Variants in EIF4EBP2 observed in about 807,000 individuals in gnomAD.
The protein encoded by EIF4EBP2 is eukaryotic translation initiation factor 4E binding protein 2.
A neutral mutation model predicts 10.3 loss-of-function variants in EIF4EBP2; 5 were observed. The observed-to-expected ratio is 0.48, with a 90% CI of 0.25 to 1.02. The LOEUF is 1.02. EIF4EBP2 is among the 50% of genes least tolerant of loss of function. The pLI is 0.15. For missense variants in EIF4EBP2, 188 were observed against 162.2 expected (o/e 1.16, Z -0.86); for synonymous variants, 67 against 61.1 (o/e 1.10, Z -0.45).
intron 1 of EIF4EBP2, among the ~76,000 whole-genome samples, chr10:70,416,870 TTG>T (rs1845101834): frequency 1.3e-5 from 2 of 152,034 alleles, no homozygotes; most frequent in Non-Finnish European, 2.9e-5. Flanking sequence ...TTTTGCCATG[TTG>T]CCCAGGCTGG....
chr10:70,416,187 G>C (rs1201321518), intron 1 of EIF4EBP2, among the ~76,000 whole-genome samples: 2 of 152,176 alleles, frequency 1.3e-5, no homozygotes, highest in African/African-American at 4.8e-5. Flanking sequence ...ACCACAGTGA[G>C]AAACCACTTC....
chr10:70,407,833 T>G (rs1191448028), intron 1 of EIF4EBP2, among the ~76,000 whole-genome samples: 3 of 123,686 alleles, frequency 2.4e-5, no homozygotes, highest in African/African-American at 9.2e-5. Flanking sequence ...ACCTCCCAGA[T>G]GGGGCGGCTG....
intron 1 of EIF4EBP2, among the ~76,000 whole-genome samples, chr10:70,416,603 A>G (rs1010252358): frequency 1.3e-5 from 2 of 150,366 alleles, no homozygotes; most frequent in Non-Finnish European, 3.0e-5. Flanking sequence ...AAACCAGGCA[A>G]TTTTTCAAAG....
At chr10:70,411,952 CATT>C (rs1170280858) in intron 1 of EIF4EBP2, among the ~76,000 whole-genome samples, 3 of 152,142 alleles carry the variant, frequency 2.0e-5, no homozygotes, top group Non-Finnish European at 2.9e-5. Flanking sequence ...ATGTGGCTGA[CATT>C]GTTGGTTTCC....
chr10:70,422,835 C>G lies in EIF4EBP2; in HGVS notation c.*1088C>G, dbSNP rs1258933767. ...GTTTGAAGTTGATTTTCAGAATGTTCTTAGAAAAGAACTGCATTTTTTTCC... is the reference window on the plus strand; with the variant it reads ...GTTTGAAGTTGATTTTCAGAATGTTGTTAGAAAAGAACTGCATTTTTTTCC... On this transcript the variant is annotated 3_prime_UTR_variant, in exon 3 of 3. Coordinates refer to ENST00000373218, the MANE Select transcript of EIF4EBP2 (RefSeq NM_004096.5). The G allele has an allele frequency of 1.3e-5, 2 of 152,170 alleles. No homozygotes were observed. 9.4% of individuals were successfully genotyped at this position (152,170 alleles called of 1,614,324 possible). A position where few individuals can be genotyped will look rare whatever the true frequency, so the allele number is the denominator to read the frequency against.
chr10:70,407,045 C>G (rs1844972222), intron 1 of EIF4EBP2, among the ~76,000 whole-genome samples: 1 of 152,076 alleles, frequency 6.6e-6, no homozygotes, highest in Admixed American at 6.5e-5. Flanking sequence ...CTACAGGCGT[C>G]CACCACCACG....
rs1461386701 is a variant in EIF4EBP2 at position 70,427,279 on chromosome 10, T to C, written c.*5532T>C. ...TTTCTTTGGGAGGGCAGTTTCTGTC[T>C]GGACTTTGAGGTGGACTTAGTTATC... is the stretch of plus-strand genomic sequence containing the variant. On this transcript the variant is annotated 3_prime_UTR_variant, in exon 3 of 3. Coordinates refer to ENST00000373218, the MANE Select transcript of EIF4EBP2 (RefSeq NM_004096.5). 1 of 152,242 alleles carries C rather than the reference T, an allele frequency of 6.6e-6. No individual in the cohort carries two copies. Among genetic ancestry groups the C allele is most frequent in the Non-Finnish European group, 1.5e-5 (1 of 68,048 alleles). The allele number at this position is 152,242 out of a possible 1,614,324, so 9.4% of individuals were successfully genotyped here.
chr10:70,422,526 T>G lies in EIF4EBP2; in HGVS notation c.*779T>G, dbSNP rs887182807. 2.6e-5 allele frequency: 4 copies of G among 152,208 alleles called. No homozygotes were observed. Among genetic ancestry groups the G allele is most frequent in the African/African-American group, 9.6e-5 (4 of 41,454 alleles). 9.4% of individuals were successfully genotyped at this position (152,208 alleles called of 1,614,324 possible). A position where few individuals can be genotyped will look rare whatever the true frequency, so the allele number is the denominator to read the frequency against. On this transcript the variant is annotated 3_prime_UTR_variant, in exon 3 of 3. Transcript: ENST00000373218. ...CCTTGGTAACCAGTTTTGCTCTTCT[T>G]CTGCCACTCCTCCCTGCTTGCATCT...
rs995033237 is a variant in EIF4EBP2 at position 70,425,610 on chromosome 10, G to A, written c.*3863G>A. On this transcript the variant is annotated 3_prime_UTR_variant, in exon 3 of 3. Coordinates refer to ENST00000373218, the MANE Select transcript of EIF4EBP2 (RefSeq NM_004096.5). ...GGTGGTAAGACATGGCAATTCCCAG[G>A]AGTAGTAGAAAATAATATGCCTGAC... The A allele has an allele frequency of 2.6e-5, 4 of 152,320 alleles. No homozygotes were observed. Among genetic ancestry groups the A allele is most frequent in the African/African-American group, 9.6e-5 (4 of 41,570 alleles). The allele number at this position is 152,320 out of a possible 1,614,324, so 9.4% of individuals were successfully genotyped here.
At chr10:70,411,766 T>C (rs1402984528) in intron 1 of EIF4EBP2, among the ~76,000 whole-genome samples, 1 of 152,190 alleles carries the variant, frequency 6.6e-6, no homozygotes, top group Non-Finnish European at 1.5e-5. Flanking sequence ...ATTTCTTAGT[T>C]TGGGATATTA....
At chr10:70,413,869 A>G (rs1845067724) in intron 1 of EIF4EBP2, among the ~76,000 whole-genome samples, 1 of 152,160 alleles carries the variant, frequency 6.6e-6, no homozygotes, top group Admixed American at 6.5e-5. Context: ...CCCCATTTTA[A>G]TACTGTGTTA....
At chr10:70,414,915 G>T (rs1845077877) in intron 1 of EIF4EBP2, among the ~76,000 whole-genome samples, 2 of 151,992 alleles carry the variant, frequency 1.3e-5, no homozygotes, top group Admixed American at 6.6e-5. Flanking sequence ...CCATCATTTT[G>T]GAAGGCTGAG....
intron 2 of EIF4EBP2, 98 bp from the exon 3 acceptor site, chr10:70,421,618 G>A: frequency 9.1e-7 from 1 of 1,099,628 alleles, no homozygotes; most frequent in Non-Finnish European, 1.4e-6. Context: ...GGGACAATTT[G>A]AATTACTTTT....
intron 1 of EIF4EBP2, among the ~76,000 whole-genome samples, chr10:70,405,292 G>A (rs1844955145): frequency 6.6e-6 from 1 of 152,206 alleles, no homozygotes; most frequent in South Asian, 2.1e-4. Context: ...CCAGTTGGGT[G>A]GGGTGGTTGC....
intron 1 of EIF4EBP2, among the ~76,000 whole-genome samples, chr10:70,406,688 CAA>C (rs1844967335): frequency 6.6e-6 from 1 of 150,830 alleles, no homozygotes; most frequent in South Asian, 2.1e-4. Flanking sequence ...AAAGTGCTTG[CAA>C]AGAGTCTGCC....
chr10:70,414,136 A>G (rs1201455459), intron 1 of EIF4EBP2, among the ~76,000 whole-genome samples: 2 of 152,212 alleles, frequency 1.3e-5, no homozygotes, highest in East Asian at 3.8e-4. Flanking sequence ...AGTTTATAGT[A>G]AACATAATAT....
At chr10:70,414,269 A>G (rs183395757) in intron 1 of EIF4EBP2, among the ~76,000 whole-genome samples, 1 of 152,294 alleles carries the variant, frequency 6.6e-6, no homozygotes, top group Admixed American at 6.5e-5. Flanking sequence ...CCCTAAAATC[A>G]TTAGTGATTA....
Position 70,404,349 on chromosome 10 carries a change from C to CCCGCCG in EIF4EBP2, c.-44_-39dup, listed in dbSNP as rs979021706. 6.7e-6 allele frequency: 10 copies of CCCGCCG among 1,481,682 alleles called. No individual in the cohort carries two copies. Among genetic ancestry groups the CCCGCCG allele is most frequent in the East Asian group, 2.9e-5 (1 of 34,380 alleles). The allele number at this position is 1,481,682 out of a possible 1,614,324, so 91.8% of individuals were successfully genotyped here. ...CCTGAGGAGCCGAAGCAGCCCCGGCCCCGCCGCCGCCGCCTGCCCGCCGGA... is the reference window on the plus strand; with the variant it reads ...CCTGAGGAGCCGAAGCAGCCCCGGCCCCGCCGCCGCCGCCGCCGCCTGCCCGCCGGA... On this transcript the variant is annotated 5_prime_UTR_variant, in exon 1 of 3. Coordinates refer to ENST00000373218, the MANE Select transcript of EIF4EBP2 (RefSeq NM_004096.5).
intron 1 of EIF4EBP2, among the ~76,000 whole-genome samples, chr10:70,404,759 G>T (rs965727950): frequency 6.6e-6 from 1 of 152,220 alleles, no homozygotes; most frequent in African/African-American, 2.4e-5. Context: ...TCGGGAATGT[G>T]GCTGTCCTGT....
Sources: gnomAD v4.1 joint callset for allele counts (sites outside exome capture counted in the v4.1 genomes callset) on GRCh38, gnomAD v4.1.1 for gene constraint, MANE v1.5 for transcripts, NCBI Gene and HGNC (gene_info 2026-07-23, HGNC 2026-07-21) for gene names.